The following U2SURP variants were observed in gnomAD, a reference collection of about 807,000 sequenced individuals.
U2SURP encodes the protein U2 snRNP-associated SURP motif-containing protein.
U2SURP carries 9 observed loss-of-function variants against 144.9 expected under a neutral mutation model. The observed-to-expected ratio is 0.06, with a 90% CI of 0.04 to 0.11. The LOEUF (loss-of-function observed/expected upper bound fraction) is 0.11, where lower values mean the gene tolerates loss of function less well. Among genes scored for constraint, U2SURP ranks in the 10% least tolerant of loss-of-function variants. The probability of loss-of-function intolerance (pLI) is 1.00; values close to 1 mark genes in which losing one functional copy is unlikely to be tolerated. For missense variants in U2SURP, 724 were observed against 1,226.7 expected (o/e 0.59, Z 6.12); for synonymous variants, 408 against 396.8 (o/e 1.03, Z -0.33).
intron 23 of U2SURP, 99 bp from the exon 24 acceptor site, chr3:143,043,018 A>G: frequency 1.7e-6 from 2 of 1,208,726 alleles, no homozygotes; most frequent in Non-Finnish European, 2.2e-6. Context: ...TGGCTATGTT[A>G]TTTAAGCTCT....
intron 1 of U2SURP, among the ~76,000 whole-genome samples, chr3:143,006,506 A>G (rs1935840574): frequency 6.6e-6 from 1 of 152,220 alleles, no homozygotes; most frequent in Non-Finnish European, 1.5e-5. Context: ...CTGTAATCCC[A>G]GCACTTTGGG....
At chr3:143,003,677 C>CTTTTTTTTTTTTTT (rs60505715) in intron 1 of U2SURP, among the ~76,000 whole-genome samples, 7 of 101,506 alleles carry the variant, frequency 6.9e-5, no homozygotes, top group Non-Finnish European at 9.6e-5. Flanking sequence ...TATTTTATTT[C>CTTTTTTTTTTTTTT]TTTTTTTTTT....
At chr3:143,050,859 T>C in intron 24 of U2SURP, 80 bp from the exon 25 acceptor site, 1 of 921,424 alleles carries the variant, frequency 1.1e-6, no homozygotes. Flanking sequence ...GTTACTACTT[T>C]GCTATAGAAA....
At chr3:143,050,818 G>A in intron 24 of U2SURP, 121 bp from the exon 25 acceptor site, 1 of 618,078 alleles carries the variant, frequency 1.6e-6, no homozygotes, top group Non-Finnish European at 2.8e-6. Flanking sequence ...TGGCCTTCAG[G>A]TGAGGTTATA....
chr3:143,022,711 T>C, intron 11 of U2SURP, 49 bp downstream of exon 11: 1 of 1,541,570 alleles, frequency 6.5e-7, no homozygotes, highest in Non-Finnish European at 8.8e-7. Flanking sequence ...ATTTCTTTGG[T>C]TTGGAAAAGT....
At chr3:143,013,996 T>C (rs1479970350) in intron 3 of U2SURP, among the ~76,000 whole-genome samples, 2 of 152,088 alleles carry the variant, frequency 1.3e-5, no homozygotes, top group Non-Finnish European at 2.9e-5. Flanking sequence ...ACATCTGTAC[T>C]TTCCCCCTCA....
At chr3:143,050,909 T>C (rs1468736518) in intron 24 of U2SURP, 30 bp from the exon 25 acceptor site, 1 of 1,439,588 alleles carries the variant, frequency 6.9e-7, no homozygotes, top group Admixed American at 1.9e-5. Context: ...ATGATGAAAA[T>C]GCTTATTTTT....
chr3:143,006,398 A>G (rs1345183951), intron 1 of U2SURP, among the ~76,000 whole-genome samples: 2 of 152,162 alleles, frequency 1.3e-5, no homozygotes, highest in Non-Finnish European at 2.9e-5. Flanking sequence ...AAGTATATTG[A>G]GACTCTGTCG....
At position 143,013,972 on chromosome 3, in the gene U2SURP, A is replaced by G. The variant is rs565643627; in HGVS notation, c.223-339A>G. On this transcript the variant is annotated intron_variant, in intron 3 of 27. Coordinates refer to ENST00000473835, the MANE Select transcript of U2SURP (RefSeq NM_001080415.2). Reference sequence around the variant, plus strand: ...TGAGGATCTGTTTTCTGTCATTGCAACTTTTCCCCAGAAACATCTGTACTT... The same window carrying G: ...TGAGGATCTGTTTTCTGTCATTGCAGCTTTTCCCCAGAAACATCTGTACTT... Among the ~76,000 whole-genome samples the G allele has an allele frequency of 2.2e-3, 330 of 152,090 alleles. 3 individuals carry two copies. Among genetic ancestry groups the G allele is most frequent in the African/African-American group, 7.6e-3 (315 of 41,534 alleles).
At chr3:143,037,046 A>C in intron 20 of U2SURP, 133 bp from the exon 21 acceptor site, 1 of 829,548 alleles carries the variant, frequency 1.2e-6, no homozygotes, top group Non-Finnish European at 1.8e-6. Flanking sequence ...GGATGATAGA[A>C]TATGTTCTTA....
In U2SURP at chr3:143,006,800, A is replaced by G. The variant is rs561064574; in HGVS notation, c.46-4015A>G. On this transcript the variant is annotated intron_variant, in intron 1 of 27. Coordinates refer to ENST00000473835, the MANE Select transcript of U2SURP (RefSeq NM_001080415.2). ...TGCTGTCTAGTAGAAGAGAGTCAGCACAATGCAATTAAGGTGGTGTTATGC... is the reference window on the plus strand; with the variant it reads ...TGCTGTCTAGTAGAAGAGAGTCAGCGCAATGCAATTAAGGTGGTGTTATGC... Among the ~76,000 whole-genome samples the G allele has an allele frequency of 9.9e-4, 151 of 152,332 alleles. 2 individuals carry two copies. Among genetic ancestry groups the G allele is most frequent in the East Asian group, 1.7e-3 (9 of 5,182 alleles).
Position 143,020,581 on chromosome 3 carries a change from T to C in U2SURP, c.639-18T>C. 3 of 1,591,742 alleles carry C rather than the reference T, an allele frequency of 1.9e-6. No homozygotes were observed. Among genetic ancestry groups the C allele is most frequent in the Non-Finnish European group, 2.6e-6 (3 of 1,165,198 alleles). ...CAAATTTTGGCTCATTATAAGTGAT[T>C]GTAAATATTTTCAACAGAATTCAAG... On this transcript the variant is annotated intron_variant, in intron 7 of 27. Transcript: ENST00000473835.
intron 24 of U2SURP, among the ~76,000 whole-genome samples, chr3:143,049,555 A>G (rs974097733): frequency 7.9e-5 from 12 of 152,148 alleles, no homozygotes; most frequent in African/African-American, 2.9e-4. Context: ...GTATCATCCA[A>G]GATCCATGTG....
At chr3:143,012,843 C>T (rs1936186568) in intron 3 of U2SURP, among the ~76,000 whole-genome samples, 1 of 152,106 alleles carries the variant, frequency 6.6e-6, no homozygotes, top group East Asian at 1.9e-4. Flanking sequence ...CTAAAGTGCT[C>T]TCAGGCTCTT....
chr3:143,012,058 T>TAA (rs1936140950), intron 2 of U2SURP, 164 bp from the exon 3 acceptor site: 1 of 889,488 alleles, frequency 1.1e-6, no homozygotes, highest in Non-Finnish European at 1.8e-6. Flanking sequence ...TCCCTGTTCT[T>TAA]AAGAACTTTT....
At chr3:143,011,113 A>G (rs1936102870) in intron 2 of U2SURP, among the ~76,000 whole-genome samples, 1 of 152,092 alleles carries the variant, frequency 6.6e-6, no homozygotes, top group East Asian at 1.9e-4. Context: ...CTGTACATAC[A>G]TAACGTATCT....
chr3:143,010,098 C>T (rs1315486673), intron 1 of U2SURP, among the ~76,000 whole-genome samples: 1 of 152,170 alleles, frequency 6.6e-6, no homozygotes, highest in Non-Finnish European at 1.5e-5. Context: ...TTTAGTTAAT[C>T]GTCCTACAGC....
intron 2 of U2SURP, among the ~76,000 whole-genome samples, chr3:143,011,390 T>G (rs1936116401): frequency 6.6e-6 from 1 of 152,196 alleles, no homozygotes; most frequent in African/African-American, 2.4e-5. Flanking sequence ...ACAGCAGTGT[T>G]CAAAGTGTAG....
intron 1 of U2SURP, chr3:143,002,229 T>G (rs2108261505): frequency 5.6e-6 from 1 of 178,032 alleles, no homozygotes; most frequent in East Asian, 1.9e-4. Context: ...CAGTGCTGCA[T>G]AGCCAAGGTT....
Sources: allele counts gnomAD v4.1 joint callset (sites outside exome capture counted in the v4.1 genomes callset), GRCh38; gene constraint gnomAD v4.1.1; transcripts MANE v1.5; gene names NCBI Gene and HGNC (gene_info 2026-07-23, HGNC 2026-07-21).